Variants in LIN7A observed in about 807,000 individuals in gnomAD.
LIN7A encodes protein lin-7 homolog A.
Under a neutral mutation model 29.8 loss-of-function variants are expected in LIN7A, and 25 were observed. The ratio of observed to expected loss-of-function variants is 0.84; its 90% confidence interval spans 0.61 to 1.17. The LOEUF is 1.17. Among genes scored for constraint, LIN7A ranks in the 50% most tolerant of loss-of-function variants. The probability of loss-of-function intolerance (pLI) is 0.00; values close to 1 mark genes in which losing one functional copy is unlikely to be tolerated. For missense variants in LIN7A, 239 were observed against 287.0 expected (o/e 0.83, Z 1.21); for synonymous variants, 118 against 107.5 (o/e 1.10, Z -0.60).
chr12:80,804,686 G>GT (rs1206751891), intron 5 of LIN7A, among the ~76,000 whole-genome samples: 5 of 151,734 alleles, frequency 3.3e-5, no homozygotes, highest in African/African-American at 1.2e-4. Context: ...TTATAGGCGT[G>GT]TGTCACCAGC....
intron 4 of LIN7A, among the ~76,000 whole-genome samples, chr12:80,844,772 T>C (rs893696377): frequency 5.4e-5 from 7 of 129,072 alleles, no homozygotes; most frequent in African/African-American, 2.0e-4. Context: ...ATCCAGAGAA[T>C]ATGTTATGAG....
In LIN7A at chr12:80,845,857, C is replaced by T; in HGVS notation, c.356G>A (p.Gly119Asp). The change falls in exon 4 of 6, where the codon GGT becomes GAT. Residue 119 changes from glycine (G) to aspartate (D), a missense_variant. Gly to Asp is a moderately conservative substitution (Grantham distance 94). Coordinates refer to ENST00000552864, the MANE Select transcript of LIN7A (RefSeq NM_004664.4). ...VELPKTDEGL[G>D]FNVMGGKEQN... ...CTCCTTTCCTCCCATCACATTAAAA[C>T]CAAGGCCTTCATCAGTCTTTGGCAG... 1.2e-6 allele frequency: 2 copies of T among 1,613,464 alleles called. No homozygotes were observed. The highest frequency in any genetic ancestry group is 1.7e-6 in the Non-Finnish European group (2 of 1,179,844).
rs547947315 is a variant in LIN7A at position 80,795,126 on chromosome 12, G to A, written c.*2601C>T. ...TTTATTTTAATATAATTTGGGACAT[G>A]TCAGTGGCTCTAATATGATCGTTAA... On this transcript the variant is annotated 3_prime_UTR_variant, in exon 6 of 6. Coordinates refer to ENST00000552864, the MANE Select transcript of LIN7A (RefSeq NM_004664.4). The A allele has an allele frequency of 2.0e-5, 3 of 152,210 alleles. No individual in the cohort carries two copies. Among genetic ancestry groups the A allele is most frequent in the South Asian group, 4.1e-4 (2 of 4,826 alleles). The allele number at this position is 152,210 out of a possible 1,614,324, so 9.4% of individuals were successfully genotyped here.
intron 2 of LIN7A, among the ~76,000 whole-genome samples, chr12:80,862,656 T>C (rs1873936015): frequency 6.6e-6 from 1 of 152,128 alleles, no homozygotes; most frequent in Non-Finnish European, 1.5e-5. Flanking sequence ...TGACAAACAG[T>C]AGATAGCACT....
chr12:80,844,694 G>A (rs1159985544), intron 4 of LIN7A, among the ~76,000 whole-genome samples: 4 of 151,980 alleles, frequency 2.6e-5, no homozygotes, highest in African/African-American at 9.7e-5. Context: ...GATGTTATAG[G>A]GAGAAAATGT....
At chr12:80,843,232 T>A (rs934772199) in intron 4 of LIN7A, among the ~76,000 whole-genome samples, 5 of 152,142 alleles carry the variant, frequency 3.3e-5, no homozygotes, top group Admixed American at 6.5e-5. Flanking sequence ...TATAAAAATC[T>A]TAGGGAGGCC....
intron 2 of LIN7A, among the ~76,000 whole-genome samples, chr12:80,866,609 C>G (rs1874147177): frequency 6.6e-6 from 1 of 152,094 alleles, no homozygotes; most frequent in Non-Finnish European, 1.5e-5. Flanking sequence ...TGGCTCCCAC[C>G]CCAACATTCT....
intron 5 of LIN7A, among the ~76,000 whole-genome samples, chr12:80,807,078 T>TTTTTTTTG (rs1592848512): frequency 8.7e-6 from 1 of 115,098 alleles, no homozygotes; most frequent in Non-Finnish European, 1.7e-5. Flanking sequence ...TTTTTTTTTT[T>TTTTTTTTG]TTTTTTTTTT....
intron 1 of LIN7A, among the ~76,000 whole-genome samples, chr12:80,915,766 C>A (rs1488557543): frequency 6.6e-6 from 1 of 152,156 alleles, no homozygotes; most frequent in Non-Finnish European, 1.5e-5. Context: ...CCTAAGCAAA[C>A]TAATGCAGAA....
chr12:80,813,689 C>A (rs762527309), intron 4 of LIN7A, among the ~76,000 whole-genome samples: 12 of 152,226 alleles, frequency 7.9e-5, no homozygotes, highest in Non-Finnish European at 1.5e-5. Flanking sequence ...TCTGAAGATT[C>A]TCCAGGTTAG....
intron 2 of LIN7A, among the ~76,000 whole-genome samples, chr12:80,863,889 G>A (rs1874002012): frequency 7.3e-6 from 1 of 137,076 alleles, no homozygotes; most frequent in African/African-American, 3.2e-5. Context: ...AATGATGAAA[G>A]GCTTGTTTGT....
At chr12:80,868,730 G>A (rs1351970256) in intron 2 of LIN7A, among the ~76,000 whole-genome samples, 2 of 152,176 alleles carry the variant, frequency 1.3e-5, no homozygotes, top group Admixed American at 1.3e-4. Flanking sequence ...AATGTTACCT[G>A]CCCAGTTGCC....
At chr12:80,803,808 A>G (rs1870836217) in intron 5 of LIN7A, among the ~76,000 whole-genome samples, 1 of 152,170 alleles carries the variant, frequency 6.6e-6, no homozygotes, top group African/African-American at 2.4e-5. Flanking sequence ...GGATGAAGTA[A>G]TTTGAAGTAT....
intron 4 of LIN7A, among the ~76,000 whole-genome samples, chr12:80,812,804 G>A (rs1320345247): frequency 1.3e-5 from 2 of 152,102 alleles, no homozygotes; most frequent in South Asian, 2.1e-4. Flanking sequence ...ACCTCCCTCA[G>A]CCTCTCAAGC....
At chr12:80,906,400 A>G (rs1565923962) in intron 1 of LIN7A, among the ~76,000 whole-genome samples, 2 of 152,180 alleles carry the variant, frequency 1.3e-5, no homozygotes, top group Non-Finnish European at 2.9e-5. Context: ...GATAGAGTGG[A>G]TTCACCTAGT....
At chr12:80,912,110 A>C (rs1290635386) in intron 1 of LIN7A, among the ~76,000 whole-genome samples, 2 of 152,324 alleles carry the variant, frequency 1.3e-5, no homozygotes, top group African/African-American at 4.8e-5. Context: ...ACACAATGCA[A>C]ATGAAACAGG....
At chr12:80,919,232 G>A (rs1392504008) in intron 1 of LIN7A, among the ~76,000 whole-genome samples, 1 of 152,188 alleles carries the variant, frequency 6.6e-6, no homozygotes, top group African/African-American at 2.4e-5. Flanking sequence ...TGGGAACACA[G>A]TTTCTTACTC....
intron 4 of LIN7A, among the ~76,000 whole-genome samples, chr12:80,815,413 A>T (rs2121514454): frequency 6.6e-6 from 1 of 152,364 alleles, no homozygotes; most frequent in South Asian, 2.1e-4. Context: ...TTGAGCCCTG[A>T]AAGTTCAGCA....
intron 1 of LIN7A, among the ~76,000 whole-genome samples, chr12:80,891,885 T>C (rs1875646418): frequency 6.6e-6 from 1 of 152,196 alleles, no homozygotes. Context: ...AAAAGGCGTT[T>C]ATTATAGCTG....
Sources: gnomAD v4.1 joint callset for allele counts (sites outside exome capture counted in the v4.1 genomes callset) on GRCh38, gnomAD v4.1.1 for gene constraint, MANE v1.5 for transcripts, NCBI Gene and HGNC (gene_info 2026-07-23, HGNC 2026-07-21) for gene names.